DLST: variants seen among roughly 807,000 people sequenced by gnomAD.
DLST encodes the protein dihydrolipoyllysine-residue succinyltransferase component of 2-oxoglutarate dehydrogenase complex, mitochondrial.
In DLST, 17 loss-of-function variants were observed where a neutral mutation model predicts 53.1. That is an observed-to-expected ratio of 0.32 (90% CI 0.22 to 0.48). DLST has a LOEUF of 0.48. Among genes scored for constraint, DLST ranks in the 20% least tolerant of loss-of-function variants. DLST has a pLI of 0.99. For synonymous variants in DLST, 206 were observed against 204.8 expected, an observed-to-expected ratio of 1.01 and a Z score of -0.05; for missense variants, 512 against 583.9, an observed-to-expected ratio of 0.88 and a Z score of 1.27.
intron 1 of DLST, among the ~76,000 whole-genome samples, 159 bp downstream of exon 1, chr14:74,882,175 C>T (rs969075932): frequency 7.9e-5 from 12 of 152,186 alleles, no homozygotes; most frequent in South Asian, 2.1e-4. Context: ...GCCGTGGTTG[C>T]CCTCGGGACC....
rs1429590232 is a variant in DLST, at chr14:74,881,922, G to A, written c.-32G>A. The stretch of plus-strand genomic sequence containing the variant: ...CCGGTTGTTGTCCGGCCCTATATCC[G>A]GTGTCCGCCCGCCCTCGGCTCCTCC... On this transcript the variant is annotated 5_prime_UTR_variant, in exon 1 of 15. Coordinates refer to ENST00000334220, the MANE Select transcript of DLST (RefSeq NM_001933.5). 3 of 1,518,350 alleles carry A rather than the reference G, an allele frequency of 2.0e-6. No individual in the cohort carries two copies. Among genetic ancestry groups the A allele is most frequent in the Non-Finnish European group, 2.6e-6 (3 of 1,138,420 alleles). The allele number at this position is 1,518,350 out of a possible 1,614,324, so 94.1% of individuals were successfully genotyped here.
rs546184818 is a variant in DLST, at chr14:74,896,270, A to G, written c.770+1861A>G. 2.5e-4 allele frequency among the ~76,000 whole-genome samples: 38 copies of G among 152,388 alleles called. No individual in the cohort carries two copies. The South Asian group carries it at 7.2e-3, about 29-fold the overall frequency. ...ACCATGAGATGGGAAAGTAGAAGAC[A>G]CATTTGAGAAATTGTCAAAAATCAT... On this transcript the variant is annotated intron_variant, in intron 10 of 14. Transcript: ENST00000334220.
At chr14:74,893,251 T>G in intron 8 of DLST, 97 bp from the exon 9 acceptor site, 1 of 1,378,826 alleles carries the variant, frequency 7.3e-7, no homozygotes, top group Non-Finnish European at 1.0e-6. Context: ...CAGAATATCT[T>G]GAAGATTAAG....
At chr14:74,887,908 C>A (rs1481412994) in intron 3 of DLST, among the ~76,000 whole-genome samples, 7 of 152,214 alleles carry the variant, frequency 4.6e-5, no homozygotes, top group Non-Finnish European at 1.0e-4. Flanking sequence ...CAACTTAAAT[C>A]TCTTTTACTT....
chr14:74,885,705 G>T (rs2140186740), intron 3 of DLST, 71 bp downstream of exon 3: 1 of 1,455,366 alleles, frequency 6.9e-7, no homozygotes, highest in South Asian at 1.3e-5. Context: ...TTCTAAATTT[G>T]ACCATCTGAT....
rs1003037160 is a variant in DLST at position 74,882,066 on chromosome 14, G to A, written c.63+50G>A. 4.9e-6 allele frequency: 7 copies of A among 1,442,594 alleles called. No individual in the cohort carries two copies. The South Asian group carries it at 6.8e-5, about 14-fold the overall frequency. 89.4% of individuals were successfully genotyped at this position (1,442,594 alleles called of 1,614,324 possible). ...CCGACGGGTGAGGAGTCTGTTGGCG[G>A]GCAGAGAGGCGGCCTGGAAGGCAGG... On this transcript the variant is annotated intron_variant, in intron 1 of 14. Transcript: ENST00000334220.
rs2140191511 is a variant in DLST, at chr14:74,889,928, G to A, written c.306G>A (p.Val102=). Residue 102 remains valine (V), a synonymous_variant, in exon 6 of 15, where the codon GTG becomes GTA. Coordinates refer to ENST00000334220, the MANE Select transcript of DLST (RefSeq NM_001933.5). ...GAGACACAGTTGCAGAAGATGAAGT[G>A]GTTTGTGAGATTGAAACTGACAAGG... ...AVGDTVAEDE[V]VCEIETDKTS... is the part of the protein sequence containing the mutation. 6.2e-7 allele frequency: 1 copy of A among 1,613,704 alleles called. No homozygotes were observed. The highest frequency in any genetic ancestry group is 1.6e-4 in the Middle Eastern group (1 of 6,062).
rs1436589660 is a variant in DLST at position 74,881,945 on chromosome 14, T to G, written c.-9T>G. On this transcript the variant is annotated 5_prime_UTR_variant, in exon 1 of 15. Transcript: ENST00000334220. ...CCGGTGTCCGCCCGCCCTCGGCTCC[T>G]CCGCCGTGATGCTGTCCCGATCCCG... is the stretch of plus-strand genomic sequence containing the variant. 17 of 1,544,836 alleles carry G rather than the reference T, an allele frequency of 1.1e-5. No homozygotes were observed. Among genetic ancestry groups the G allele is most frequent in the Non-Finnish European group, 1.5e-5 (17 of 1,152,286 alleles).
rs539340428 is a variant in DLST at position 74,889,305 on chromosome 14, C to T, written c.230C>T (p.Ala77Val). The stretch of plus-strand genomic sequence containing the variant: ...GACTTGGTTACAGTCAAAACCCCAG[C>T]GTTTGCAGAATCTGTCACAGAGGGA... ...KDDLVTVKTP[A>V]FAESVTEGDV... The change falls in exon 5 of 15, where the codon GCG (alanine) becomes GTG (valine). Residue 77 changes from alanine to valine, a missense_variant. Physicochemically the swap from Ala to Val is moderately conservative, Grantham distance 64. Transcript: ENST00000334220. 21 of 1,611,110 alleles carry T rather than the reference C, an allele frequency of 1.3e-5. No homozygotes were observed. The highest frequency in any genetic ancestry group is 3.3e-5 in the Admixed American group (2 of 59,824).
intron 6 of DLST, among the ~76,000 whole-genome samples, chr14:74,890,797 G>T (rs1594875421): frequency 6.6e-6 from 1 of 152,132 alleles, no homozygotes; most frequent in East Asian, 1.9e-4. Context: ...CACCTGCCAG[G>T]TTCAAGCGAT....
chr14:74,895,606 T>C (rs1884052263), intron 10 of DLST, among the ~76,000 whole-genome samples: 1 of 151,774 alleles, frequency 6.6e-6, no homozygotes. Context: ...ATTTAAAAAT[T>C]AGCCAAGTGA....
chr14:74,901,867 C>G (rs983775140), intron 14 of DLST, among the ~76,000 whole-genome samples: 1 of 145,692 alleles, frequency 6.9e-6, no homozygotes, highest in African/African-American at 2.5e-5. Flanking sequence ...TTTTTAAATT[C>G]TAACCCCAGA....
At chr14:74,893,052 A>T in intron 8 of DLST, 66 bp downstream of exon 8, 5 of 1,531,422 alleles carry the variant, frequency 3.3e-6, no homozygotes, top group Non-Finnish European at 4.4e-6. Context: ...TTCAAAGGGT[A>T]AACTCTAGAC....
intron 2 of DLST, among the ~76,000 whole-genome samples, chr14:74,883,415 T>C (rs1427101273): frequency 1.3e-5 from 2 of 152,004 alleles, no homozygotes; most frequent in Non-Finnish European, 2.9e-5. Context: ...TTGGCAGAAC[T>C]TAAGAGCTGG....
rs755094737 is a variant in DLST at position 74,881,980 on chromosome 14, T to C, written c.27T>C (p.Ser9=). 5.8e-5 allele frequency: 91 copies of C among 1,571,976 alleles called. No homozygotes were observed. The highest frequency in any genetic ancestry group is 7.2e-5 in the Non-Finnish European group (84 of 1,167,064). Residue 9 remains serine (S), a synonymous_variant, in exon 1 of 15, where the codon TCT becomes TCC. Coordinates refer to ENST00000334220, the MANE Select transcript of DLST (RefSeq NM_001933.5). MLSRSRCV[S]RAFSRSLSAF... is the part of the protein sequence containing the mutation. ...TGCTGTCCCGATCCCGCTGTGTGTC[T>C]CGGGCGTTCAGCCGCTCGCTCTCCG...
intron 11 of DLST, among the ~76,000 whole-genome samples, chr14:74,899,207 T>C (rs990545282): frequency 1.9e-4 from 29 of 151,938 alleles, no homozygotes; most frequent in Non-Finnish European, 1.2e-4. Flanking sequence ...TTCCCATTCT[T>C]CTCATGCCTC....
At chr14:74,900,103 G>C (rs541290776) in intron 12 of DLST, 107 bp downstream of exon 12, 5 of 1,172,012 alleles carry the variant, frequency 4.3e-6, no homozygotes, top group African/African-American at 1.5e-5. Flanking sequence ...ATTTTTAGAA[G>C]GGAGTTAGTA....
At chr14:74,893,256 A>G (rs1883970267) in intron 8 of DLST, 92 bp from the exon 9 acceptor site, 2 of 1,405,752 alleles carry the variant, frequency 1.4e-6, no homozygotes, top group Non-Finnish European at 2.0e-6. Context: ...TATCTTGAAG[A>G]TTAAGTAACA....
At position 74,890,827 on chromosome 14, in the gene DLST, A is replaced by C. The variant is rs558348854; in HGVS notation, c.331-229A>C. Among the ~76,000 whole-genome samples the C allele has an allele frequency of 1.7e-4, 26 of 152,224 alleles. 1 individual carries two copies. Among genetic ancestry groups the C allele is most frequent in the African/African-American group, 6.0e-4 (25 of 41,524 alleles). On this transcript the variant is annotated intron_variant, in intron 6 of 14. Coordinates refer to ENST00000334220, the MANE Select transcript of DLST (RefSeq NM_001933.5). ...AGCGATTCTCGTGCCTCAGCCTCCCAAGTAGCTGGGATTACATTTTTGTAG... is the reference window on the plus strand; with the variant it reads ...AGCGATTCTCGTGCCTCAGCCTCCCCAGTAGCTGGGATTACATTTTTGTAG...
Sources: allele counts gnomAD v4.1 joint callset (sites outside exome capture counted in the v4.1 genomes callset), GRCh38; gene constraint gnomAD v4.1.1; transcripts MANE v1.5; gene names NCBI Gene and HGNC (gene_info 2026-07-23, HGNC 2026-07-21).